The following EXOC6 variants were observed in gnomAD, a reference collection of about 807,000 sequenced individuals.
EXOC6 encodes SEC15-like 1.
A neutral mutation model predicts 112.5 loss-of-function variants in EXOC6; 60 were observed. The observed-to-expected ratio is 0.53, with a 90% CI of 0.43 to 0.66. EXOC6 has a LOEUF of 0.66. Among genes scored for constraint, EXOC6 ranks in the 30% least tolerant of loss-of-function variants. EXOC6 has a pLI of 0.00. For synonymous variants in EXOC6, 295 were observed against 308.0 expected (o/e 0.96, Z 0.44); for missense variants, 855 against 957.1 (o/e 0.89, Z 1.41).
At position 92,899,584 on chromosome 10, in the gene EXOC6, T is replaced by C. The variant is rs752348874; in HGVS notation, c.413-15T>C. 1.3e-5 allele frequency: 21 copies of C among 1,558,808 alleles called. No homozygotes were observed. The highest frequency in any genetic ancestry group is 1.9e-5 in the Admixed American group (1 of 53,092). On this transcript the variant is annotated splice_polypyrimidine_tract_variant and intron_variant, in intron 4 of 21. Transcript: ENST00000260762. Reference sequence around the variant, plus strand: ...TTTCATTTTGAAAGCTAAAATGTTATATTTTTTAATGCAGTGCTAGAAATG... The same window carrying C: ...TTTCATTTTGAAAGCTAAAATGTTACATTTTTTAATGCAGTGCTAGAAATG...
chr10:93,011,526 A>G (rs115497254), intron 19 of EXOC6, among the ~76,000 whole-genome samples: 1,583 of 152,206 alleles, frequency 0.01, 30 homozygotes, highest in African/African-American at 0.036. Flanking sequence ...TTCCCAAAAT[A>G]CTAGGATTTA....
At chr10:92,884,497 A>T (rs531078835) in intron 1 of EXOC6, among the ~76,000 whole-genome samples, 1 of 152,326 alleles carries the variant, frequency 6.6e-6, no homozygotes, top group Admixed American at 6.5e-5. Flanking sequence ...TTTTATGGTT[A>T]TGCAACCAGT....
intron 17 of EXOC6, among the ~76,000 whole-genome samples, chr10:92,956,651 C>G (rs765041757): frequency 1.3e-5 from 2 of 152,048 alleles, no homozygotes; most frequent in African/African-American, 2.4e-5. Context: ...CTCATGTAGT[C>G]ATTTCAATAC....
upstream of EXOC6, among the ~76,000 whole-genome samples, chr10:92,829,933 G>A (rs1294300457): frequency 9.9e-5 from 15 of 152,174 alleles, no homozygotes; most frequent in Non-Finnish European, 1.5e-5. Context: ...CCATGGCAAT[G>A]TCAGAAAGTT....
chr10:92,831,284 A>T, upstream of EXOC6: 1 of 1,285,644 alleles, frequency 7.8e-7, no homozygotes, highest in South Asian at 1.2e-5. Flanking sequence ...AAGACCTTGA[A>T]TCTCCAGGCT....
In EXOC6 at chr10:92,954,730, G is replaced by A. The variant is rs1271216969; in HGVS notation, c.1627G>A (p.Gly543Ser). The A allele has an allele frequency of 6.5e-7, 1 of 1,528,130 alleles. No individual in the cohort carries two copies. The highest frequency in any genetic ancestry group is 1.7e-5 in the Admixed American group (1 of 58,026). 94.7% of individuals were successfully genotyped at this position (1,528,130 alleles called of 1,614,324 possible). Residue 543 changes from glycine (G) to serine (S), a missense_variant, in exon 16 of 22, where the codon GGT becomes AGT. Physicochemically the swap from Gly to Ser is moderately conservative, Grantham distance 56 (BLOSUM62 0). This residue lies in a region of EXOC6 where 450 missense variants were observed against 563.5 expected (regional missense o/e 0.80). Coordinates refer to ENST00000260762, the MANE Select transcript of EXOC6 (RefSeq NM_019053.6). ...GAACCTTATTAGAAAACCTCATATA[G>A]GTTTGACAGAGGTAGGTTAAAAAGA... Reference protein sequence around the residue: ...LLNLIRKPHIGLTELVQIIIN... With the variant: ...LLNLIRKPHISLTELVQIIIN...
chr10:93,044,583 T>C (rs922623344), intron 20 of EXOC6, among the ~76,000 whole-genome samples: 5 of 152,172 alleles, frequency 3.3e-5, no homozygotes, highest in African/African-American at 9.7e-5. Context: ...ATTTATACTC[T>C]GGGCCTCAGT....
At chr10:92,837,590 G>C (rs558596087) in intron 1 of EXOC6, among the ~76,000 whole-genome samples, 2 of 152,326 alleles carry the variant, frequency 1.3e-5, no homozygotes, top group South Asian at 4.1e-4. Flanking sequence ...TTGAGCCCAG[G>C]AAGTCAAGAC....
At chr10:93,015,730 CT>C (rs1332901317) in intron 20 of EXOC6, among the ~76,000 whole-genome samples, 3 of 147,992 alleles carry the variant, frequency 2.0e-5, no homozygotes, top group African/African-American at 7.5e-5. Flanking sequence ...GAGACTCCGT[CT>C]CAAAAAAAAA....
intron 1 of EXOC6, among the ~76,000 whole-genome samples, chr10:92,842,076 C>A (rs59560726): frequency 0.69 from 105,217 of 151,516 alleles, 37,250 homozygotes; most frequent in Middle Eastern, 0.74. Context: ...AGAATAAAAA[C>A]CAGGCCGGGT....
At chr10:92,878,772 G>A (rs1171819810) in intron 1 of EXOC6, among the ~76,000 whole-genome samples, 2 of 152,138 alleles carry the variant, frequency 1.3e-5, no homozygotes, top group African/African-American at 4.8e-5. Context: ...AATGACAAAT[G>A]TGTTGTTTTT....
chr10:93,032,442 A>G (rs1351039845), intron 20 of EXOC6, among the ~76,000 whole-genome samples: 1 of 152,206 alleles, frequency 6.6e-6, no homozygotes, highest in Non-Finnish European at 1.5e-5. Flanking sequence ...AGGTTCAAGC[A>G]GAATTTTGTA....
chr10:92,942,974 A>G (rs1818289047), intron 13 of EXOC6, among the ~76,000 whole-genome samples: 1 of 151,892 alleles, frequency 6.6e-6, no homozygotes, highest in Admixed American at 6.6e-5. Context: ...ATTTCCAAAT[A>G]TATTTTGACT....
intron 20 of EXOC6, among the ~76,000 whole-genome samples, chr10:93,052,074 C>A (rs1846316682): frequency 6.6e-6 from 1 of 152,162 alleles, no homozygotes; most frequent in East Asian, 1.9e-4. Flanking sequence ...ATCTTCTGTC[C>A]TGGGTCACTG....
chr10:92,978,273 G>A (rs1209439627), intron 18 of EXOC6, among the ~76,000 whole-genome samples: 1 of 152,090 alleles, frequency 6.6e-6, no homozygotes, highest in Non-Finnish European at 1.5e-5. Flanking sequence ...AACTGGGCAT[G>A]GTGGCGTGTA....
At chr10:93,053,865 A>G (rs1846418599) in intron 20 of EXOC6, among the ~76,000 whole-genome samples, 1 of 152,190 alleles carries the variant, frequency 6.6e-6, no homozygotes, top group Non-Finnish European at 1.5e-5. Context: ...CCTTACACAC[A>G]TGAAAATGAT....
chr10:92,991,445 A>AC (rs1314060940), intron 18 of EXOC6, among the ~76,000 whole-genome samples: 2 of 151,770 alleles, frequency 1.3e-5, no homozygotes, highest in African/African-American at 4.8e-5. Flanking sequence ...CAAAAAAAAA[A>AC]AAAAAAAACA....
intron 15 of EXOC6, among the ~76,000 whole-genome samples, chr10:92,954,411 A>G (rs1419355319): frequency 6.6e-6 from 1 of 152,218 alleles, no homozygotes; most frequent in Non-Finnish European, 1.5e-5. Flanking sequence ...ATAAATTTAA[A>G]TTATGCCATA....
In EXOC6 at chr10:92,848,736, C is replaced by T. The variant is rs536051654; in HGVS notation, c.101+102C>T. On this transcript the variant is annotated intron_variant, in intron 1 of 21. Transcript: ENST00000260762. ...GCCGCCGGCCGCGCGCGAAGCTCCC[C>T]GACAGGTGGTGCGCGCGGGGGCGGG... 686 of 971,950 alleles carry T rather than the reference C, an allele frequency of 7.1e-4. 8 individuals carry two copies. In the African/African-American group the frequency reaches 0.011, roughly 15 times the overall value. 60.2% of individuals were successfully genotyped at this position (971,950 alleles called of 1,614,324 possible).
Sources: gnomAD v4.1 joint callset for allele counts (sites outside exome capture counted in the v4.1 genomes callset) on GRCh38, gnomAD v4.1.1 for gene constraint, gnomAD v4.1.1 regional missense constraint, MANE v1.5 for transcripts, NCBI Gene and HGNC (gene_info 2026-07-23, HGNC 2026-07-21) for gene names.